Variants in RPS6KC1 observed in about 807,000 individuals in gnomAD.
The protein encoded by RPS6KC1 is inactive ribosomal protein S6 kinase delta-1.
A neutral mutation model predicts 103.8 loss-of-function variants in RPS6KC1; 54 were observed. The observed-to-expected ratio is 0.52, with a 90% confidence interval of 0.42 to 0.65. RPS6KC1 has a LOEUF of 0.65. Ranked by LOEUF, RPS6KC1 falls within the 30% of genes least tolerant of loss-of-function variation. The pLI is 0.00. For synonymous variants in RPS6KC1, 439 were observed against 438.7 expected (o/e 1.00, Z -0.01); for missense variants, 1,151 against 1,253.8 (o/e 0.92, Z 1.24).
the RPS6KC1 span, among the ~76,000 whole-genome samples, chr1:213,428,480 C>CCCTTCCTTCCTTCCTTCCTTCCTT: frequency 1.7e-3 from 49 of 28,472 alleles, no homozygotes; most frequent in African/African-American, 6.3e-3. Context: ...CTCCCTCCCT[C>CCCTTCCTTCCTTCCTTCCTTCCTT]CCTTCCTTCC....
the RPS6KC1 span, among the ~76,000 whole-genome samples, chr1:213,466,340 G>A: frequency 6.6e-6 from 1 of 152,154 alleles, no homozygotes; most frequent in Non-Finnish European, 1.5e-5. Context: ...GAATGAGACT[G>A]TCTCCCCCTC....
At chr1:213,606,780 G>A in the RPS6KC1 span, among the ~76,000 whole-genome samples, 2 of 152,126 alleles carry the variant, frequency 1.3e-5, no homozygotes, top group Non-Finnish European at 2.9e-5. Context: ...TCCTCATTGT[G>A]GGGATCAAGG....
At chr1:213,455,920 C>T in the RPS6KC1 span, among the ~76,000 whole-genome samples, 2 of 152,146 alleles carry the variant, frequency 1.3e-5, no homozygotes, top group East Asian at 3.9e-4. Flanking sequence ...TAGCCGAAGG[C>T]CCCCAGGAGC....
the RPS6KC1 span, among the ~76,000 whole-genome samples, chr1:213,655,113 G>A: frequency 1.3e-5 from 2 of 152,170 alleles, no homozygotes; most frequent in East Asian, 3.9e-4. Flanking sequence ...CATGATCTCG[G>A]CTCACTGCAG....
chr1:213,745,175 G>A, the RPS6KC1 span, among the ~76,000 whole-genome samples: 1 of 151,846 alleles, frequency 6.6e-6, no homozygotes, highest in Non-Finnish European at 1.5e-5. Flanking sequence ...AGAAAAATAG[G>A]TTGAAGGAAC....
intron 8 of RPS6KC1, among the ~76,000 whole-genome samples, chr1:213,226,909 G>T (rs1046733938): frequency 6.6e-6 from 1 of 152,136 alleles, no homozygotes; most frequent in Non-Finnish European, 1.5e-5. Context: ...TCAAAATTCA[G>T]AAATAAATAG....
chr1:213,557,497 G>A, the RPS6KC1 span, among the ~76,000 whole-genome samples: 1 of 152,148 alleles, frequency 6.6e-6, no homozygotes, highest in Non-Finnish European at 1.5e-5. Context: ...GGGACCCTGG[G>A]ATTAACTCCA....
the RPS6KC1 span, among the ~76,000 whole-genome samples, chr1:213,659,152 A>T: frequency 6.6e-6 from 1 of 151,886 alleles, no homozygotes; most frequent in African/African-American, 2.4e-5. Flanking sequence ...TTTAGCAGAG[A>T]CAGAGTTTCT....
chr1:213,729,795 G>T, the RPS6KC1 span, among the ~76,000 whole-genome samples: 2 of 151,484 alleles, frequency 1.3e-5, no homozygotes, highest in East Asian at 1.9e-4. Context: ...CTTTAAGCTT[G>T]AGGGCACATG....
the RPS6KC1 span, chr1:213,840,550 G>A: frequency 3.3e-5 from 5 of 152,164 alleles, no homozygotes; most frequent in African/African-American, 1.2e-4. Flanking sequence ...GAGGAAACTT[G>A]GAAAGGGTTT....
chr1:213,721,303 T>G, the RPS6KC1 span, among the ~76,000 whole-genome samples: 533 of 152,368 alleles, frequency 3.5e-3, 2 homozygotes, highest in African/African-American at 0.012. Flanking sequence ...CCTTGAATTA[T>G]AGCTCCCATA....
the RPS6KC1 span, among the ~76,000 whole-genome samples, chr1:213,770,360 A>G: frequency 1.3e-5 from 2 of 152,196 alleles, no homozygotes; most frequent in African/African-American, 2.4e-5. Context: ...CACTGATTGT[A>G]TATGGTTAGA....
the RPS6KC1 span, among the ~76,000 whole-genome samples, chr1:213,838,177 A>G: frequency 1.3e-5 from 2 of 152,154 alleles, no homozygotes; most frequent in African/African-American, 4.8e-5. Context: ...AAATCAGGCT[A>G]CAGCTTGCAC....
chr1:213,182,292 G>A (rs985630375), intron 8 of RPS6KC1, among the ~76,000 whole-genome samples: 1 of 152,146 alleles, frequency 6.6e-6, no homozygotes, highest in African/African-American at 2.4e-5. Context: ...AGGAATTTGA[G>A]ACCAGCCTGG....
the RPS6KC1 span, among the ~76,000 whole-genome samples, chr1:213,624,059 G>C: frequency 6.6e-6 from 1 of 152,162 alleles, no homozygotes; most frequent in African/African-American, 2.4e-5. Flanking sequence ...ATTACAGATG[G>C]GGAAGTGGTC....
chr1:213,738,055 T>A, the RPS6KC1 span, among the ~76,000 whole-genome samples: 1 of 152,208 alleles, frequency 6.6e-6, no homozygotes, highest in Non-Finnish European at 1.5e-5. Context: ...GAGTTTGCAA[T>A]AGGGCCTCAC....
the RPS6KC1 span, among the ~76,000 whole-genome samples, chr1:213,837,988 G>A: frequency 0.015 from 2,270 of 151,686 alleles, 40 homozygotes; most frequent in East Asian, 0.082. Flanking sequence ...TATCTTTCAC[G>A]TTTTACTATC....
At chr1:213,193,622 ATAGTTTTTTT>A (rs2092830644) in intron 8 of RPS6KC1, among the ~76,000 whole-genome samples, 2 of 151,530 alleles carry the variant, frequency 1.3e-5, no homozygotes, top group Non-Finnish European at 2.9e-5. Flanking sequence ...ATTGAGGTCT[ATAGTTTTTTT>A]TAGTTTTTAT....
the RPS6KC1 span, among the ~76,000 whole-genome samples, chr1:213,432,583 C>T: frequency 6.6e-6 from 1 of 152,066 alleles, no homozygotes; most frequent in African/African-American, 2.4e-5. Flanking sequence ...ACCATCATCC[C>T]CCAAAAGCTT....
Sources: gnomAD v4.1 joint callset for allele counts (sites outside exome capture counted in the v4.1 genomes callset) on GRCh38, gnomAD v4.1.1 for gene constraint, MANE v1.5 for transcripts, NCBI Gene and HGNC (gene_info 2026-07-23, HGNC 2026-07-21) for gene names.